Variants in MICALL1 observed in about 807,000 individuals in gnomAD.
The protein encoded by MICALL1 is MICAL like 1.
Under a neutral mutation model 83.7 loss-of-function variants are expected in MICALL1, and 61 were observed. The ratio of observed to expected loss-of-function variants is 0.73; its 90% CI spans 0.59 to 0.90. The LOEUF is 0.90. Among genes scored for constraint, MICALL1 ranks in the 40% least tolerant of loss-of-function variants. The pLI, the probability that MICALL1 is intolerant of heterozygous loss-of-function variation, is 0.00. For synonymous variants in MICALL1, 481 were observed against 473.6 expected (o/e 1.02, Z -0.20); for missense variants, 1,066 against 1,152.0 (o/e 0.93, Z 1.08).
chr22:37,937,216 G>A, intron 14 of MICALL1, 22 bp downstream of exon 14: 2 of 1,535,748 alleles, frequency 1.3e-6, no homozygotes, highest in South Asian at 1.2e-5. Context: ...AGGGGTGGGG[G>A]GTCCTGGGGG....
At chr22:37,921,556 A>G (rs967119999) in intron 5 of MICALL1, among the ~76,000 whole-genome samples, 1 of 152,192 alleles carries the variant, frequency 6.6e-6, no homozygotes, top group African/African-American at 2.4e-5. Context: ...CTGGACAACA[A>G]GAGTGAGACT....
rs749191850 is a variant in MICALL1, at chr22:37,924,085, G to C, written c.1025-575G>C. Reference sequence around the variant, plus strand: ...CATTAGGGAAGGCATTGGTGGCCACGGGGAGAGAGACTCCCAGGGTCACCC... The same window carrying C: ...CATTAGGGAAGGCATTGGTGGCCACCGGGAGAGAGACTCCCAGGGTCACCC... On this transcript the variant is annotated intron_variant, in intron 6 of 15. Coordinates refer to ENST00000215957, the MANE Select transcript of MICALL1 (RefSeq NM_033386.4). This position sits in a 1 kb window ranked among gnomAD's most constrained non-coding sequence, Gnocchi z 5.2. 2.6e-5 allele frequency among the ~76,000 whole-genome samples: 4 copies of C among 152,200 alleles called. No individual in the cohort carries two copies. Among genetic ancestry groups the C allele is most frequent in the Non-Finnish European group, 5.9e-5 (4 of 68,032 alleles).
Position 37,919,097 on chromosome 22 carries a change from C to G in MICALL1, c.488C>G (p.Thr163Arg), listed in dbSNP as rs368318202. Residue 163 changes from threonine (T) to arginine (R), a missense_variant, in exon 5 of 16, where the codon ACG (threonine) becomes AGG (arginine). Coordinates refer to ENST00000215957, the MANE Select transcript of MICALL1 (RefSeq NM_033386.4). Reference sequence around the variant, plus strand: ...GGCACCGGCCAGACCCCCAGCAGCACGTGCGCAGCCTGCCAGCAGCATGTG... The same window carrying G: ...GGCACCGGCCAGACCCCCAGCAGCAGGTGCGCAGCCTGCCAGCAGCATGTG... Reference protein sequence around the residue: ...EQGTGQTPSSTCAACQQHVHL... With the variant: ...EQGTGQTPSSRCAACQQHVHL... The G allele has an allele frequency of 1.3e-6, 2 of 1,551,986 alleles. No homozygotes were observed. Among genetic ancestry groups the G allele is most frequent in the Non-Finnish European group, 1.7e-6 (2 of 1,147,624 alleles).
rs749453708 is a variant in MICALL1 at position 37,932,867 on chromosome 22, G to A, written c.2213G>A (p.Arg738Gln). Residue 738 changes from arginine to glutamine, a missense_variant, in exon 12 of 16, where the codon CGA (arginine) becomes CAA (glutamine). Arg to Gln is a conservative substitution (Grantham distance 43). Transcript: ENST00000215957. This position sits in a 1 kb window ranked among gnomAD's most constrained non-coding sequence, Gnocchi z 4.4. ...LIHEKHLLVR[R>Q]ESELIYVFKQ... ...CACGAGAAGCACCTACTGGTGCGGC[G>A]AGAGTCCGAGCTCATCTATGTGTGA... The A allele has an allele frequency of 2.4e-5, 38 of 1,614,006 alleles. No individual in the cohort carries two copies. Among genetic ancestry groups the A allele is most frequent in the Non-Finnish European group, 3.1e-5 (36 of 1,180,012 alleles).
intron 3 of MICALL1, among the ~76,000 whole-genome samples, chr22:37,917,151 C>T (rs769227309): frequency 1.3e-5 from 2 of 152,242 alleles, no homozygotes; most frequent in African/African-American, 2.4e-5. Context: ...GGATTATAGA[C>T]GTGAGCCACT....
intron 1 of MICALL1, among the ~76,000 whole-genome samples, chr22:37,911,430 A>G (rs761466765): frequency 2.2e-4 from 33 of 152,222 alleles, no homozygotes; most frequent in Non-Finnish European, 4.1e-4. Flanking sequence ...GGAGGGCCAG[A>G]CATGTGGATT....
At chr22:37,936,631 G>T (rs1429020296) in intron 13 of MICALL1, among the ~76,000 whole-genome samples, 2 of 152,146 alleles carry the variant, frequency 1.3e-5, no homozygotes, top group Non-Finnish European at 2.9e-5. Context: ...GGTGGCTCAC[G>T]CCTGTAATCC....
chr22:37,920,787 G>T (rs1928982440), intron 5 of MICALL1, among the ~76,000 whole-genome samples: 1 of 152,086 alleles, frequency 6.6e-6, no homozygotes, highest in Non-Finnish European at 1.5e-5. Flanking sequence ...GCCGGGCATG[G>T]TGGTGGCAGG....
At position 37,941,883 on chromosome 22, in the gene MICALL1, C is replaced by T. The variant is rs1020164041; in HGVS notation, c.*1053C>T. ...TGCCCAGCAGCTCTTGGTCAAAGCA[C>T]TGTTGCTATAAGCTATCTCTGGGAT... is the stretch of plus-strand genomic sequence containing the variant. On this transcript the variant is annotated 3_prime_UTR_variant, in exon 16 of 16. Transcript: ENST00000215957. 6.6e-6 allele frequency: 1 copy of T among 152,450 alleles called. No individual in the cohort carries two copies. The highest frequency in any genetic ancestry group is 1.5e-5 in the Non-Finnish European group (1 of 68,214). The allele number at this position is 152,450 out of a possible 1,614,324, so 9.4% of individuals were successfully genotyped here.
chr22:37,918,932 C>T, intron 4 of MICALL1, 104 bp from the exon 5 acceptor site: 1 of 1,368,538 alleles, frequency 7.3e-7, no homozygotes, highest in Admixed American at 2.6e-5. Flanking sequence ...CTGGTGCACA[C>T]TTGAGTGACG....
chr22:37,933,243 GC>G, intron 13 of MICALL1, 131 bp downstream of exon 13: 1 of 881,510 alleles, frequency 1.1e-6, no homozygotes, highest in African/African-American at 1.7e-5. Context: ...AGGAGGAGGT[GC>G]GGGGCAGGGC....
chr22:37,910,237 T>C (rs968070792), intron 1 of MICALL1, among the ~76,000 whole-genome samples: 5 of 152,182 alleles, frequency 3.3e-5, no homozygotes, highest in African/African-American at 9.7e-5. Flanking sequence ...TTTTCAACAT[T>C]GATTCATTCA....
At chr22:37,912,308 C>A in intron 2 of MICALL1, 43 bp from the exon 3 acceptor site, 1 of 1,569,646 alleles carries the variant, frequency 6.4e-7, no homozygotes, top group Admixed American at 1.8e-5. Context: ...TCCTCCTCTT[C>A]CTGCTTCGGC....
At position 37,912,403 on chromosome 22, in the gene MICALL1, A is replaced by G. The variant is rs995407994; in HGVS notation, c.248A>G (p.Asn83Ser). ...GGGATCCCCGCTCTCCTGGACCCCA[A>G]TGACATGGTCTCCATGAGCGTCCCT... ...ELGIPALLDP[N>S]DMVSMSVPDC... Residue 83 changes from asparagine to serine, a missense_variant, in exon 3 of 16, where the codon AAT becomes AGT. Coordinates refer to ENST00000215957, the MANE Select transcript of MICALL1 (RefSeq NM_033386.4). 8.1e-6 allele frequency: 13 copies of G among 1,613,994 alleles called. No individual in the cohort carries two copies. The highest frequency in any genetic ancestry group is 1.7e-5 in the Admixed American group (1 of 59,998).
chr22:37,919,126 T>G lies in MICALL1; in HGVS notation c.517T>G (p.Leu173Val). ...TCAACQQHVH[L>V]VQRYLADGRL... is the part of the protein sequence containing the mutation. ...CGCAGCCTGCCAGCAGCATGTGCAC[T>G]TGGTGCAGCGCTACCTGGCTGACGG... Residue 173 changes from leucine (L) to valine (V), a missense_variant, in exon 5 of 16, where the codon TTG becomes GTG. Transcript: ENST00000215957. 6.4e-7 allele frequency: 1 copy of G among 1,551,576 alleles called. No homozygotes were observed.
chr22:37,922,334 G>A lies in MICALL1; in HGVS notation c.932G>A (p.Ser311Asn), dbSNP rs1421413717. The change falls in exon 6 of 16, where the codon AGC (serine) becomes AAC (asparagine). Residue 311 changes from serine (S) to asparagine (N), a missense_variant. By Grantham distance (46) the Ser-to-Asn change is conservative. Transcript: ENST00000215957. ...CCTGCCCCCAGGAAGGCCTCTGAGA[G>A]CACCACCCCAGCACCCCCCACGCCC... ...PTPAPRKASE[S>N]TTPAPPTPRP... 2.6e-6 allele frequency: 4 copies of A among 1,527,614 alleles called. No homozygotes were observed. In the South Asian group the frequency reaches 3.7e-5, roughly 14 times the overall value. 94.6% of individuals were successfully genotyped at this position (1,527,614 alleles called of 1,614,324 possible). A position where few individuals can be genotyped will look rare whatever the true frequency, so the allele number is the denominator to read the frequency against.
chr22:37,925,951 A>G lies in MICALL1; in HGVS notation c.1373A>G (p.Lys458Arg). The G allele has an allele frequency of 6.2e-7, 1 of 1,613,720 alleles. No homozygotes were observed. Among genetic ancestry groups the G allele is most frequent in the Non-Finnish European group, 8.5e-7 (1 of 1,179,862 alleles). Residue 458 changes from lysine to arginine, a missense_variant, in exon 8 of 16, where the codon AAG becomes AGG. Coordinates refer to ENST00000215957, the MANE Select transcript of MICALL1 (RefSeq NM_033386.4). ...PALGHPESTPKSLHPWYGITP... is the reference protein window; with the variant it reads ...PALGHPESTPRSLHPWYGITP... The stretch of plus-strand genomic sequence containing the variant: ...CTGGGCCACCCGGAGTCCACACCCA[A>G]GTCCCTGCACCCCTGGTACGGCATC...
intron 3 of MICALL1, among the ~76,000 whole-genome samples, chr22:37,914,231 CT>C (rs113697593): frequency 0.42 from 58,751 of 140,006 alleles, 11,929 homozygotes; most frequent in Middle Eastern, 0.46. Context: ...TCTTTTCTTT[CT>C]TTTTTTTTTT....
intron 2 of MICALL1, 138 bp downstream of exon 2, chr22:37,912,138 T>C: frequency 8.5e-7 from 1 of 1,171,644 alleles, no homozygotes; most frequent in Non-Finnish European, 1.3e-6. Context: ...TTCCCCACCC[T>C]CTGCTTCCCA....
Sources: allele counts gnomAD v4.1 joint callset (sites outside exome capture counted in the v4.1 genomes callset), GRCh38; gene constraint gnomAD v4.1.1; non-coding constraint Gnocchi (gnomAD v3.1); transcripts MANE v1.5; gene names NCBI Gene and HGNC (gene_info 2026-07-23, HGNC 2026-07-21).